The following THSD7B variants were observed in gnomAD, a reference collection of about 807,000 sequenced individuals.
The protein encoded by THSD7B is thrombospondin type 1 domain containing 7B.
A neutral mutation model predicts 213.6 loss-of-function variants in THSD7B; 138 were observed. The observed-to-expected ratio is 0.65, with a 90% CI of 0.56 to 0.74. The LOEUF (loss-of-function observed/expected upper bound fraction) is 0.74. THSD7B is among the 30% of genes least tolerant of loss of function. THSD7B has a pLI of 0.00. For missense variants in THSD7B, 1,931 were observed against 1,991.5 expected (o/e 0.97, Z 0.58); for synonymous variants, 742 against 687.0 (o/e 1.08, Z -1.25).
chr2:137,187,478 G>GAGGA (rs1680572195), intron 7 of THSD7B, among the ~76,000 whole-genome samples: 2 of 152,184 alleles, frequency 1.3e-5, no homozygotes, highest in Non-Finnish European at 2.9e-5. Flanking sequence ...TTTGCCTGAA[G>GAGGA]AACTGTCCTG....
chr2:137,073,550 G>A (rs1687549021), intron 3 of THSD7B, among the ~76,000 whole-genome samples: 2 of 152,228 alleles, frequency 1.3e-5, no homozygotes, highest in African/African-American at 2.4e-5. Context: ...TGGATTCATT[G>A]ATTTTTGGAA....
At chr2:136,893,782 C>T (rs962891392) in intron 2 of THSD7B, among the ~76,000 whole-genome samples, 1 of 152,098 alleles carries the variant, frequency 6.6e-6, no homozygotes, top group Non-Finnish European at 1.5e-5. Flanking sequence ...GACATATATG[C>T]TGTAGATATT....
chr2:136,890,984 G>T (rs1244164651), intron 2 of THSD7B, among the ~76,000 whole-genome samples: 1 of 151,556 alleles, frequency 6.6e-6, no homozygotes, highest in Non-Finnish European at 1.5e-5. Flanking sequence ...TGTTTTGTTT[G>T]TATATTTATT....
chr2:137,604,440 A>AT (rs1682134568), intron 17 of THSD7B, among the ~76,000 whole-genome samples: 1 of 152,080 alleles, frequency 6.6e-6, no homozygotes, highest in Non-Finnish European at 1.5e-5. Context: ...TTTACCTGTG[A>AT]TTTTTATTTC....
chr2:137,528,548 G>C lies in THSD7B; in HGVS notation c.3139-34673G>C, dbSNP rs753595473. Among the ~76,000 whole-genome samples, 239 of 152,068 alleles carry C rather than the reference G, an allele frequency of 1.6e-3. 2 individuals are homozygous for C. Among genetic ancestry groups the C allele is most frequent in the Non-Finnish European group, 2.3e-3 (154 of 67,982 alleles). ...TACAATCTTGATTTATGCAAACCTA[G>C]TAGCAACTAACTAAATTAATCTGTT... is the stretch of plus-strand genomic sequence containing the variant. On this transcript the variant is annotated intron_variant, in intron 15 of 27. Transcript: ENST00000409968.
rs35604618 is a variant in THSD7B, at chr2:137,151,526, T to TA, written c.1370-8675dup. Among the ~76,000 whole-genome samples the TA allele has an allele frequency of 5.1e-3, 756 of 147,002 alleles. 4 individuals carry two copies. Among genetic ancestry groups the TA allele is most frequent in the African/African-American group, 0.017 (696 of 40,146 alleles). ...ACATGTACCCTAGAACTTAAAAGTA[T>TA]AAAAAAAAAAAACAGCAACAAAAAG... is the stretch of plus-strand genomic sequence containing the variant. On this transcript the variant is annotated intron_variant, in intron 5 of 27. Coordinates refer to ENST00000409968, the MANE Select transcript of THSD7B (RefSeq NM_001316349.2).
At chr2:137,305,243 A>G (rs1233203475) in intron 12 of THSD7B, among the ~76,000 whole-genome samples, 1 of 152,144 alleles carries the variant, frequency 6.6e-6, no homozygotes, top group Non-Finnish European at 1.5e-5. Context: ...CACTCATTGT[A>G]CCAGTCGGGA....
chr2:136,982,955 A>G (rs777854210), intron 2 of THSD7B, among the ~76,000 whole-genome samples: 10 of 152,152 alleles, frequency 6.6e-5, no homozygotes, highest in Non-Finnish European at 1.2e-4. Context: ...TGGAATTCCA[A>G]GATACCTCTT....
chr2:136,877,836 A>G (rs1683548749), intron 1 of THSD7B, among the ~76,000 whole-genome samples: 1 of 152,150 alleles, frequency 6.6e-6, no homozygotes, highest in African/African-American at 2.4e-5. Context: ...CTGGGGGGAA[A>G]AAAAAGAAGG....
At chr2:136,898,668 G>C (rs184944177) in intron 2 of THSD7B, among the ~76,000 whole-genome samples, 3 of 122,756 alleles carry the variant, frequency 2.4e-5, no homozygotes, top group Non-Finnish European at 3.2e-5. Context: ...TTTTGAAATG[G>C]AGTCTCCCCC....
Position 137,676,511 on chromosome 2 carries a change from T to C in THSD7B, c.4740-13T>C. 6.3e-7 allele frequency: 1 copy of C among 1,579,300 alleles called. No homozygotes were observed. On this transcript the variant is annotated splice_polypyrimidine_tract_variant and intron_variant, in intron 27 of 27. Transcript: ENST00000409968. ...GAACTTACTTGATCTGAGGAATTTT[T>C]TTCCCTTTGCAGCAAGAAGCCAAAA...
At chr2:137,638,981 G>T (rs1242338524) in intron 20 of THSD7B, among the ~76,000 whole-genome samples, 1 of 151,626 alleles carries the variant, frequency 6.6e-6, no homozygotes, top group African/African-American at 2.4e-5. Flanking sequence ...AAAATTTGCA[G>T]CCTGACGATG....
intron 14 of THSD7B, among the ~76,000 whole-genome samples, chr2:137,429,481 C>G (rs1687128134): frequency 6.6e-6 from 1 of 152,098 alleles, no homozygotes; most frequent in African/African-American, 2.4e-5. Flanking sequence ...CATTCACACA[C>G]ATTTATAAAA....
intron 7 of THSD7B, among the ~76,000 whole-genome samples, chr2:137,208,894 T>C (rs13396104): frequency 0.59 from 89,756 of 151,310 alleles, 26,965 homozygotes; most frequent in South Asian, 0.71. Context: ...GCAGGAGTAA[T>C]TGGGGAAGTT....
At chr2:136,993,888 A>T (rs569669226) in intron 2 of THSD7B, among the ~76,000 whole-genome samples, 1 of 152,318 alleles carries the variant, frequency 6.6e-6, no homozygotes, top group African/African-American at 2.4e-5. Context: ...GAATCACCTG[A>T]TGTGCTCATG....
intron 12 of THSD7B, among the ~76,000 whole-genome samples, chr2:137,371,956 A>G (rs1685542172): frequency 6.6e-6 from 1 of 152,134 alleles, no homozygotes; most frequent in African/African-American, 2.4e-5. Flanking sequence ...ACTTGTATTT[A>G]TGACAGACAT....
chr2:137,583,332 C>T (rs926730038), intron 17 of THSD7B, among the ~76,000 whole-genome samples: 1 of 152,152 alleles, frequency 6.6e-6, no homozygotes. Context: ...TGCATAAGCT[C>T]TTTAGTGTAA....
At chr2:137,249,054 A>G (rs542768608) in intron 10 of THSD7B, among the ~76,000 whole-genome samples, 26 of 152,220 alleles carry the variant, frequency 1.7e-4, no homozygotes, top group Admixed American at 1.2e-3. Flanking sequence ...CCAGTGCTCA[A>G]TAAATATTCC....
At chr2:136,813,380 T>C (rs1682415560) in intron 1 of THSD7B, among the ~76,000 whole-genome samples, 1 of 152,168 alleles carries the variant, frequency 6.6e-6, no homozygotes, top group Non-Finnish European at 1.5e-5. Flanking sequence ...AAAGCTCCTG[T>C]TGGCTGGAAA....
Sources: gnomAD v4.1 joint callset for allele counts (sites outside exome capture counted in the v4.1 genomes callset) on GRCh38, gnomAD v4.1.1 for gene constraint, MANE v1.5 for transcripts, NCBI Gene and HGNC (gene_info 2026-07-23, HGNC 2026-07-21) for gene names.